Variants in PCDHGB3 observed in about 807,000 individuals in gnomAD.
PCDHGB3 encodes the protein protocadherin gamma subfamily B, 3.
A neutral mutation model predicts 59.2 loss-of-function variants in PCDHGB3; 40 were observed. The ratio of observed to expected loss-of-function variants is 0.68; its 90% CI spans 0.52 to 0.88. The LOEUF (loss-of-function observed/expected upper bound fraction) is 0.88, where lower values mean the gene tolerates loss of function less well. Among genes scored for constraint, PCDHGB3 ranks in the 40% least tolerant of loss-of-function variants. The pLI is 0.00. For synonymous variants in PCDHGB3, 581 were observed against 503.6 expected (o/e 1.15, Z -2.06); for missense variants, 1,309 against 1,187.9 (o/e 1.10, Z -1.50).
chr5:141,476,179 T>C lies in PCDHGB3; in HGVS notation c.2416-18628T>C, dbSNP rs1283155400. 26 of 1,613,476 alleles carry C rather than the reference T, an allele frequency of 1.6e-5. No homozygotes were observed. The highest frequency in any genetic ancestry group is 2.0e-5 in the Non-Finnish European group (24 of 1,179,998). On this transcript the variant is annotated intron_variant, in intron 1 of 3. Transcript: ENST00000576222. This position sits in a 1 kb window ranked among gnomAD's most constrained non-coding sequence, Gnocchi z 7.6. Reference sequence around the variant, plus strand: ...CCGGGAGGGTAGTGGGAGTTTTGCTTCTGCTTGGTGCCTTGAACAAGGCTT... The same window carrying C: ...CCGGGAGGGTAGTGGGAGTTTTGCTCCTGCTTGGTGCCTTGAACAAGGCTT...
chr5:141,374,202 A>T (rs1446012115), intron 1 of PCDHGB3: 5 of 1,613,868 alleles, frequency 3.1e-6, no homozygotes, highest in Non-Finnish European at 4.2e-6. Context: ...GAGGAGCTGG[A>T]GAAAGGCTCC....
chr5:141,425,881 A>T (rs911454948), intron 1 of PCDHGB3, among the ~76,000 whole-genome samples: 1 of 152,230 alleles, frequency 6.6e-6, no homozygotes, highest in Non-Finnish European at 1.5e-5. Flanking sequence ...TCTCTAAGGA[A>T]TCTTCTTTGG....
chr5:141,434,072 A>G lies in PCDHGB3; in HGVS notation c.2416-60735A>G, dbSNP rs558084143. On this transcript the variant is annotated intron_variant, in intron 1 of 3. Coordinates refer to ENST00000576222, the MANE Select transcript of PCDHGB3 (RefSeq NM_018924.5). ...CAATGGCCTGTAATCTGTTAATATC[A>G]ATTATTTATTTTGATGCTGAAATTG... Among the ~76,000 whole-genome samples the G allele has an allele frequency of 1.9e-3, 289 of 152,072 alleles. 1 individual carries two copies. Among genetic ancestry groups the G allele is most frequent in the African/African-American group, 6.7e-3 (276 of 41,486 alleles).
intron 1 of PCDHGB3, chr5:141,403,028 G>A (rs1396801327): frequency 6.2e-7 from 1 of 1,614,074 alleles, no homozygotes; most frequent in Admixed American, 1.7e-5. Context: ...GCTATGGGAG[G>A]CCAGGGCCAG....
intron 1 of PCDHGB3, chr5:141,400,677 ATTGTGAGTT>A (rs1177028391): frequency 1.1e-6 from 1 of 900,130 alleles, no homozygotes; most frequent in African/African-American, 1.7e-5. Flanking sequence ...GGAGCAGTAA[ATTGTGAGTT>A]TTTATGTCGC....
At chr5:141,399,001 T>C in intron 1 of PCDHGB3, 1 of 1,613,890 alleles carries the variant, frequency 6.2e-7, no homozygotes, top group Non-Finnish European at 8.5e-7. Context: ...TAGTCTGAAT[T>C]CAAAGAGCGG....
chr5:141,379,834 G>GA (rs199662644), intron 1 of PCDHGB3, among the ~76,000 whole-genome samples: 3,037 of 141,342 alleles, frequency 0.021, 48 homozygotes, highest in South Asian at 0.041. Flanking sequence ...GAAGCATCAG[G>GA]AAAAAAAACT....
At position 141,371,591 on chromosome 5, in the gene PCDHGB3, A is replaced by C. The variant is rs1767870788; in HGVS notation, c.1197A>C (p.Lys399Asn). ...CCTTTAAAATCGTTCAAGATACCAAAAACACATACAGGTTGGTGACAGATG... is the reference window on the plus strand; with the variant it reads ...CCTTTAAAATCGTTCAAGATACCAACAACACATACAGGTTGGTGACAGATG... Reference protein sequence around the residue: ...NFPFKIVQDTKNTYRLVTDGA... With the variant: ...NFPFKIVQDTNNTYRLVTDGA... Residue 399 changes from lysine to asparagine, a missense_variant, in exon 1 of 4, where the codon AAA becomes AAC. Transcript: ENST00000576222. 1.2e-6 allele frequency: 2 copies of C among 1,614,016 alleles called. No individual in the cohort carries two copies. Among genetic ancestry groups the C allele is most frequent in the African/African-American group, 2.7e-5 (2 of 75,048 alleles).
At chr5:141,498,971 G>GGAAGGAA (rs2099787559) in intron 2 of PCDHGB3, among the ~76,000 whole-genome samples, 2 of 111,052 alleles carry the variant, frequency 1.8e-5, no homozygotes, top group African/African-American at 7.2e-5. Context: ...GAGGGAGGGA[G>GGAAGGAA]GGAAGGAAGG....
chr5:141,483,456 G>T (rs2099581503), intron 1 of PCDHGB3, among the ~76,000 whole-genome samples: 1 of 152,180 alleles, frequency 6.6e-6, no homozygotes, highest in Admixed American at 6.5e-5. Context: ...ATCAGGACTT[G>T]TTGATTGACA....
Position 141,489,153 on chromosome 5 carries a change from G to T in PCDHGB3, c.2416-5654G>T. 1 of 935,828 alleles carries T rather than the reference G, an allele frequency of 1.1e-6. No individual in the cohort carries two copies. Among genetic ancestry groups the T allele is most frequent in the South Asian group, 1.8e-5 (1 of 55,006 alleles). 58.0% of individuals were successfully genotyped at this position (935,828 alleles called of 1,614,324 possible). A position where few individuals can be genotyped will look rare whatever the true frequency, so the allele number is the denominator to read the frequency against. Reference sequence around the variant, plus strand: ...TTTAAGAGGCTGGAAGGAGACATAAGAGACTTCAGCTGCTGCATTCCAAGC... The same window carrying T: ...TTTAAGAGGCTGGAAGGAGACATAATAGACTTCAGCTGCTGCATTCCAAGC... On this transcript the variant is annotated intron_variant, in intron 1 of 3. Transcript: ENST00000576222. The surrounding 1 kb of genome is among the most constrained non-coding windows in gnomAD (Gnocchi z 4.5).
intron 1 of PCDHGB3, chr5:141,415,862 A>G: frequency 1.8e-6 from 2 of 1,107,350 alleles, no homozygotes; most frequent in Non-Finnish European, 1.2e-6. Flanking sequence ...TGTAGTTTAT[A>G]GTGTTGTTGA....
chr5:141,454,796 ATTTTTTTTTTTTTTTTTT>A (rs61612330), intron 1 of PCDHGB3, among the ~76,000 whole-genome samples: 1 of 77,408 alleles, frequency 1.3e-5, no homozygotes, highest in Non-Finnish European at 2.3e-5. Flanking sequence ...CATGGTTCTA[ATTTTTTTTTTTTTTTTTT>A]TTTTTTTTTT....
At chr5:141,376,666 TG>T in intron 1 of PCDHGB3, 2 of 712,058 alleles carry the variant, frequency 2.8e-6, no homozygotes, top group East Asian at 6.0e-5. Context: ...CTTGTTCAGG[TG>T]AGGGTATCGT....
intron 1 of PCDHGB3, chr5:141,417,676 C>A (rs902104404): frequency 4.0e-6 from 4 of 993,448 alleles, no homozygotes; most frequent in Middle Eastern, 3.3e-4. Flanking sequence ...GCGCAGCCAA[C>A]AACAGAAAAG....
At chr5:141,395,259 C>CT in intron 1 of PCDHGB3, 1 of 1,551,968 alleles carries the variant, frequency 6.4e-7, no homozygotes, top group Non-Finnish European at 8.7e-7. Flanking sequence ...TCTTTGCTTG[C>CT]TTTTAATTTC....
intron 2 of PCDHGB3, among the ~76,000 whole-genome samples, chr5:141,505,050 T>C (rs1190927211): frequency 2.0e-5 from 3 of 152,130 alleles, no homozygotes; most frequent in Non-Finnish European, 4.4e-5. Context: ...TCATCCCAGC[T>C]ACTTGGGAGA....
chr5:141,417,833 G>A (rs968698994), intron 1 of PCDHGB3: 8 of 1,529,614 alleles, frequency 5.2e-6, no homozygotes, highest in Middle Eastern at 1.7e-4. Context: ...TGGAAAAGCG[G>A]GGACCCAGCG....
chr5:141,414,193 A>C, intron 1 of PCDHGB3: 1 of 1,610,884 alleles, frequency 6.2e-7, no homozygotes, highest in Admixed American at 1.7e-5. Context: ...AGTGTTGATT[A>C]CAGTAGAAGA....
Sources: allele counts gnomAD v4.1 joint callset (sites outside exome capture counted in the v4.1 genomes callset), GRCh38; gene constraint gnomAD v4.1.1; non-coding constraint Gnocchi (gnomAD v3.1); transcripts MANE v1.5; gene names NCBI Gene and HGNC (gene_info 2026-07-23, HGNC 2026-07-21).